Variants in NTMT1 observed in about 807,000 individuals in gnomAD.
NTMT1 encodes N-terminal Xaa-Pro-Lys N-methyltransferase 1.
A neutral mutation model predicts 17.5 loss-of-function variants in NTMT1; 8 were observed. The observed-to-expected ratio is 0.46, with a 90% CI of 0.27 to 0.82. The LOEUF is 0.82. Among genes scored for constraint, NTMT1 ranks in the 40% least tolerant of loss-of-function variants. NTMT1 has a pLI of 0.15. For missense variants in NTMT1, 221 were observed against 303.5 expected (o/e 0.73, Z 2.02); for synonymous variants, 128 against 126.8 (o/e 1.01, Z -0.06).
At chr9:129,628,270 G>A (rs1280663598) in intron 1 of NTMT1, among the ~76,000 whole-genome samples, 3 of 152,196 alleles carry the variant, frequency 2.0e-5, no homozygotes, top group Non-Finnish European at 4.4e-5. Flanking sequence ...ATGTAGCCAG[G>A]ACCCCAGGAA....
intron 3 of NTMT1, chr9:129,634,722 C>T (rs1831417058): frequency 9.2e-6 from 2 of 218,028 alleles, no homozygotes; most frequent in South Asian, 8.1e-5. Context: ...GCTGACGTGG[C>T]GGCAGGCCGC....
chr9:129,613,133 A>G lies in NTMT1; in HGVS notation c.-55+3955A>G, dbSNP rs1346536148. 1 of 1,613,942 alleles carries G rather than the reference A, an allele frequency of 6.2e-7. No homozygotes were observed. Among genetic ancestry groups the G allele is most frequent in the African/African-American group, 1.3e-5 (1 of 75,054 alleles). On this transcript the variant is annotated intron_variant, in intron 1 of 3. Transcript: ENST00000372486. The surrounding 1 kb of genome is among the most constrained non-coding windows in gnomAD (Gnocchi z 6.2). The stretch of plus-strand genomic sequence containing the variant: ...TGCTCCAGGTTTCTGTGCGGGTCCA[A>G]GAAGGCTCGGAGGCTGCTTCGCGGC...
At chr9:129,619,919 C>G (rs1830591685) in intron 1 of NTMT1, 1 of 1,525,744 alleles carries the variant, frequency 6.6e-7, no homozygotes, top group Non-Finnish European at 9.1e-7. Flanking sequence ...GACCAGCCCT[C>G]AAGGACGGGT....
Position 129,620,514 on chromosome 9 carries a change from C to T in NTMT1, c.-55+11336C>T. On this transcript the variant is annotated intron_variant, in intron 1 of 3. Coordinates refer to the NTMT1 transcript ENST00000372486. The surrounding 1 kb of genome is among the most constrained non-coding windows in gnomAD (Gnocchi z 5.8). ...TCGCTGCTGCGTCGGAAGTCTCCGT[C>T]GCCAGGGAGCCCCTTGGGCGCCAGG... 1.4e-6 allele frequency: 2 copies of T among 1,441,026 alleles called. No homozygotes were observed. Among genetic ancestry groups the T allele is most frequent in the East Asian group, 2.8e-5 (1 of 35,532 alleles). 89.3% of individuals were successfully genotyped at this position (1,441,026 alleles called of 1,614,324 possible).
chr9:129,633,895 T>A (rs1461248806), intron 2 of NTMT1, among the ~76,000 whole-genome samples, 159 bp from the exon 3 acceptor site: 2 of 152,088 alleles, frequency 1.3e-5, no homozygotes, highest in East Asian at 3.9e-4. Context: ...TCCCCTCGAC[T>A]CCGTACAAGC....
intron 1 of NTMT1, among the ~76,000 whole-genome samples, chr9:129,631,021 T>A (rs1210065335): frequency 6.6e-6 from 1 of 152,178 alleles, no homozygotes; most frequent in Non-Finnish European, 1.5e-5. Flanking sequence ...CGTCTGCCTT[T>A]CCGAGCTCAC....
At chr9:129,615,788 C>A in intron 1 of NTMT1, 2 of 961,184 alleles carry the variant, frequency 2.1e-6, no homozygotes, top group Non-Finnish European at 2.8e-6. Context: ...TCACAGCAGC[C>A]GGCCTTAACG....
At chr9:129,634,951 G>GTGGTC in intron 3 of NTMT1, 1 of 510,620 alleles carries the variant, frequency 2.0e-6, no homozygotes, top group Non-Finnish European at 3.5e-6. Flanking sequence ...GTAGGTATCA[G>GTGGTC]GCAGGACTTG....
intron 1 of NTMT1, among the ~76,000 whole-genome samples, chr9:129,612,841 G>T (rs1830155411): frequency 6.6e-6 from 1 of 152,156 alleles, no homozygotes; most frequent in Non-Finnish European, 1.5e-5. Context: ...AAAAAGCAAA[G>T]AGAGGAGAGG....
In NTMT1 at chr9:129,620,269, C is replaced by G. The variant is rs1024658420; in HGVS notation, c.-55+11091C>G. The stretch of plus-strand genomic sequence containing the variant: ...ACGCGCCGGCCGACAGCAGGGGAGG[C>G]GGCAGCAGGGACCGCAGCAGCCCCC... On this transcript the variant is annotated intron_variant, in intron 1 of 3. Transcript: ENST00000372486. This position sits in a 1 kb window ranked among gnomAD's most constrained non-coding sequence, Gnocchi z 5.8. 1 of 1,312,858 alleles carries G rather than the reference C, an allele frequency of 7.6e-7. No individual in the cohort carries two copies. The highest frequency in any genetic ancestry group is 3.9e-5 in the Admixed American group (1 of 25,910). The allele number at this position is 1,312,858 out of a possible 1,614,324, so 81.3% of individuals were successfully genotyped here.
chr9:129,613,295 C>G lies in NTMT1; in HGVS notation c.-55+4117C>G. 1 of 1,571,124 alleles carries G rather than the reference C, an allele frequency of 6.4e-7. No homozygotes were observed. Among genetic ancestry groups the G allele is most frequent in the Non-Finnish European group, 8.6e-7 (1 of 1,157,154 alleles). On this transcript the variant is annotated intron_variant, in intron 1 of 3. Transcript: ENST00000372486. The surrounding 1 kb of genome is among the most constrained non-coding windows in gnomAD (Gnocchi z 6.2). ...CATGAGCTTCCTGGACTCTGAGTCC[C>G]CGGCCCACCCATGGCTGGCAGGGCC...
At chr9:129,625,690 A>AC (rs544222958), upstream of NTMT1, among the ~76,000 whole-genome samples, 250 of 150,238 alleles carry the variant, frequency 1.7e-3, 2 homozygotes, top group African/African-American at 5.8e-3. Flanking sequence ...ACAGGGTGAG[A>AC]CCCCGTCTCT....
In NTMT1 at chr9:129,635,238, TC is replaced by T; in HGVS notation, c.448del (p.Leu150CysfsTer25). The T allele has an allele frequency of 6.2e-7, 1 of 1,612,106 alleles. No individual in the cohort carries two copies. The highest frequency in any genetic ancestry group is 8.5e-7 in the Non-Finnish European group (1 of 1,179,988). ...GHLTDQHLAE[F>X]LRRCKGSLRP... ...CTCACCGATCAGCACCTGGCCGAGTTCCTGCGGCGCTGCAAGGGCAGCCTCC... is the reference window on the plus strand; with the variant it reads ...CTCACCGATCAGCACCTGGCCGAGTTCTGCGGCGCTGCAAGGGCAGCCTCC... On this transcript the variant is annotated frameshift_variant, in exon 4 of 4. Transcript: ENST00000372483. LOFTEE classifies it high-confidence loss of function.
chr9:129,629,933 CA>C (rs983313164), intron 1 of NTMT1, among the ~76,000 whole-genome samples: 1 of 151,948 alleles, frequency 6.6e-6, no homozygotes, highest in Non-Finnish European at 1.5e-5. Flanking sequence ...GACCCCATCT[CA>C]AAAAAACAAG....
At chr9:129,621,908 C>G (rs536203911), upstream of NTMT1, among the ~76,000 whole-genome samples, 81 of 152,330 alleles carry the variant, frequency 5.3e-4, no homozygotes, top group African/African-American at 1.9e-3. Flanking sequence ...AGCCCATCAT[C>G]CCTGCCTGGT....
intron 1 of NTMT1, among the ~76,000 whole-genome samples, chr9:129,610,990 C>G (rs1214746440): frequency 6.6e-6 from 1 of 152,166 alleles, no homozygotes. Context: ...ATCAGGTACC[C>G]GGTGGAGGGG....
intron 1 of NTMT1, among the ~76,000 whole-genome samples, chr9:129,630,689 C>T (rs975660325): frequency 4.6e-5 from 7 of 152,204 alleles, no homozygotes; most frequent in East Asian, 1.9e-4. Context: ...CTTGGACCTA[C>T]GATTTGTCAA....
chr9:129,619,370 A>C, intron 1 of NTMT1: 1 of 664,616 alleles, frequency 1.5e-6, no homozygotes, highest in Non-Finnish European at 2.6e-6. Flanking sequence ...GGTTGGTAGA[A>C]GATCTGATTC....
At chr9:129,630,257 G>C (rs1831092718) in intron 1 of NTMT1, among the ~76,000 whole-genome samples, 1 of 152,158 alleles carries the variant, frequency 6.6e-6, no homozygotes, top group South Asian at 2.1e-4. Flanking sequence ...TGGATTGCTT[G>C]CAGCCAGGTG....
Sources: gnomAD v4.1 joint callset for allele counts (sites outside exome capture counted in the v4.1 genomes callset) on GRCh38, gnomAD v4.1.1 for gene constraint, Gnocchi (gnomAD v3.1) non-coding constraint, MANE v1.5 for transcripts, NCBI Gene and HGNC (gene_info 2026-07-23, HGNC 2026-07-21) for gene names.